Variants in NUP93 observed in about 807,000 individuals in gnomAD.
NUP93 encodes the protein nuclear pore complex protein Nup93.
In NUP93, 55 loss-of-function variants were observed where a neutral mutation model predicts 107.8. The observed-to-expected ratio is 0.51, with a 90% CI of 0.41 to 0.64. The LOEUF is 0.64. NUP93 is among the 30% of genes least tolerant of loss of function. The probability of loss-of-function intolerance (pLI) is 0.00; values close to 1 mark genes in which losing one functional copy is unlikely to be tolerated. For synonymous variants in NUP93, 390 were observed against 397.5 expected (o/e 0.98, Z 0.22); for missense variants, 937 against 1,044.7 (o/e 0.90, Z 1.42).
At chr16:56,732,952 C>T (rs1961557296) in intron 1 of NUP93, among the ~76,000 whole-genome samples, 2 of 152,122 alleles carry the variant, frequency 1.3e-5, no homozygotes, top group African/African-American at 4.8e-5. Flanking sequence ...AACTGCTGCA[C>T]TAGGGAAGAA....
intron 3 of NUP93, among the ~76,000 whole-genome samples, chr16:56,766,398 C>T (rs1411922077): frequency 6.6e-6 from 1 of 152,182 alleles, no homozygotes; most frequent in African/African-American, 2.4e-5. Flanking sequence ...CCTGCCGATA[C>T]CAGTGATGCC....
intron 1 of NUP93, chr16:56,741,947 T>C (rs1961746995): frequency 6.6e-6 from 1 of 152,264 alleles, no homozygotes. Context: ...GAGATTTCTT[T>C]AACATGGAAG....
Position 56,772,871 on chromosome 16 carries a change from T to G in NUP93, c.297+14216T>G, listed in dbSNP as rs1262814532. On this transcript the variant is annotated intron_variant, in intron 3 of 21. Transcript: ENST00000308159. Reference sequence around the variant, plus strand: ...TTGAGGGCCTGTAAGAGTTTTCTGTTACAGTACTGTGATAGTGCGAAATAT... The same window carrying G: ...TTGAGGGCCTGTAAGAGTTTTCTGTGACAGTACTGTGATAGTGCGAAATAT... Among the ~76,000 whole-genome samples, 3 of 152,212 alleles carry G rather than the reference T, an allele frequency of 2.0e-5. No homozygotes were observed. The East Asian group carries it at 5.8e-4, about 29-fold the overall frequency.
At chr16:56,810,534 A>G (rs1029281455) in intron 5 of NUP93, among the ~76,000 whole-genome samples, 2 of 152,200 alleles carry the variant, frequency 1.3e-5, no homozygotes, top group African/African-American at 4.8e-5. Context: ...CAAGAGCCTC[A>G]GGTGGGAGGA....
At chr16:56,802,190 A>G (rs1276306987) in intron 4 of NUP93, among the ~76,000 whole-genome samples, 1 of 152,136 alleles carries the variant, frequency 6.6e-6, no homozygotes, top group African/African-American at 2.4e-5. Context: ...GGGAGAGGCT[A>G]GAGGCTGAGG....
At chr16:56,742,600 A>T (rs1961756971) in intron 1 of NUP93, among the ~76,000 whole-genome samples, 1 of 152,220 alleles carries the variant, frequency 6.6e-6, no homozygotes, top group African/African-American at 2.4e-5. Context: ...ACTATTCACT[A>T]CCTGTCCTTT....
At chr16:56,775,801 A>G (rs547614686) in intron 3 of NUP93, among the ~76,000 whole-genome samples, 2 of 152,186 alleles carry the variant, frequency 1.3e-5, no homozygotes, top group Non-Finnish European at 2.9e-5. Flanking sequence ...CCAGTATTTT[A>G]TAGGGCCCCA....
At chr16:56,747,453 A>C (rs1045309225) in intron 1 of NUP93, among the ~76,000 whole-genome samples, 1 of 152,206 alleles carries the variant, frequency 6.6e-6, no homozygotes, top group Non-Finnish European at 1.5e-5. Context: ...TAACAAATCT[A>C]ATGTCCCGAA....
At chr16:56,835,516 A>G (rs2144638501) in intron 16 of NUP93, among the ~76,000 whole-genome samples, 1 of 152,322 alleles carries the variant, frequency 6.6e-6, no homozygotes. Context: ...CATTGTGCTG[A>G]GTGCTTTGCA....
At chr16:56,760,523 A>T (rs1364462561) in intron 3 of NUP93, among the ~76,000 whole-genome samples, 1 of 152,084 alleles carries the variant, frequency 6.6e-6, no homozygotes, top group African/African-American at 2.4e-5. Flanking sequence ...GCAAAAGGCA[A>T]AGTGGGAGCT....
chr16:56,742,007 TG>T (rs2144445100), intron 1 of NUP93, among the ~76,000 whole-genome samples: 1 of 152,372 alleles, frequency 6.6e-6, no homozygotes, highest in African/African-American at 2.4e-5. Context: ...CTCAGCCCTT[TG>T]TATTTCTTGC....
At chr16:56,841,932 T>C (rs1350865119) in intron 21 of NUP93, 99 bp downstream of exon 21, 23 of 1,423,742 alleles carry the variant, frequency 1.6e-5, no homozygotes, top group Non-Finnish European at 2.0e-5. Flanking sequence ...AAACTGCTCT[T>C]TCTCCTCAGT....
At chr16:56,755,043 T>A (rs1233834269) in intron 2 of NUP93, among the ~76,000 whole-genome samples, 1 of 152,204 alleles carries the variant, frequency 6.6e-6, no homozygotes, top group African/African-American at 2.4e-5. Flanking sequence ...GGTGGGAATG[T>A]AAAATGGTAT....
intron 3 of NUP93, among the ~76,000 whole-genome samples, chr16:56,768,627 G>GA (rs1409062227): frequency 6.6e-6 from 1 of 151,716 alleles, no homozygotes; most frequent in Non-Finnish European, 1.5e-5. Flanking sequence ...CAGCACTTTG[G>GA]AGGCCAAGGC....
chr16:56,831,275 A>AATGAT (rs1285288517), intron 10 of NUP93, among the ~76,000 whole-genome samples: 1 of 152,238 alleles, frequency 6.6e-6, no homozygotes, highest in Non-Finnish European at 1.5e-5. Flanking sequence ...ATGTAGAAGA[A>AATGAT]ATGATGGCGG....
At chr16:56,753,079 AAAAC>A (rs1311214366) in intron 2 of NUP93, among the ~76,000 whole-genome samples, 2 of 152,202 alleles carry the variant, frequency 1.3e-5, no homozygotes, top group African/African-American at 2.4e-5. Flanking sequence ...TTTATGTACT[AAAAC>A]AAAACTCATT....
chr16:56,782,021 CT>C, intron 3 of NUP93: 2 of 985,382 alleles, frequency 2.0e-6, no homozygotes, highest in Non-Finnish European at 2.4e-6. Context: ...TGTTCTTTTC[CT>C]TTTTCTTCTT....
At chr16:56,842,836 A>C in intron 21 of NUP93, 1 of 306,862 alleles carries the variant, frequency 3.3e-6, no homozygotes, top group African/African-American at 2.3e-5. Flanking sequence ...TACAGATGTG[A>C]GCCACCGTTC....
chr16:56,844,589 A>G lies in NUP93; in HGVS notation c.2440A>G (p.Met814Val). 6.3e-7 allele frequency: 1 copy of G among 1,593,592 alleles called. No homozygotes were observed. Among genetic ancestry groups the G allele is most frequent in the Admixed American group, 1.8e-5 (1 of 57,134 alleles). Residue 814 changes from methionine to valine, a missense_variant, in exon 22 of 22, where the codon ATG becomes GTG. Transcript: ENST00000308159. ...GGACACCAATGCGAGGCTGGTGCAG[A>G]TGGAGGTCCTCATGAATTAAGTGCC... is the stretch of plus-strand genomic sequence containing the variant. ...SGDTNARLVQ[M>V]EVLMN
Sources: gnomAD v4.1 joint callset for allele counts (sites outside exome capture counted in the v4.1 genomes callset) on GRCh38, gnomAD v4.1.1 for gene constraint, MANE v1.5 for transcripts, NCBI Gene and HGNC (gene_info 2026-07-23, HGNC 2026-07-21) for gene names.